The following WDR62 variants were observed in gnomAD, a reference collection of about 807,000 sequenced individuals.
WDR62 encodes WD repeat-containing protein 62.
WDR62 carries 112 observed loss-of-function variants against 160.6 expected under a neutral mutation model. That is an observed-to-expected ratio of 0.70 (90% confidence interval 0.60 to 0.82). The LOEUF (loss-of-function observed/expected upper bound fraction) is 0.82. WDR62 is among the 40% of genes least tolerant of loss of function. The pLI is 0.00. For missense variants in WDR62, 1,819 were observed against 1,983.8 expected (o/e 0.92, Z 1.58); for synonymous variants, 792 against 815.1 (o/e 0.97, Z 0.48).
At chr19:36,082,935 AT>A (rs1213668052) in intron 10 of WDR62, 127 bp from the exon 11 acceptor site, 1 of 780,870 alleles carries the variant, frequency 1.3e-6, no homozygotes, top group African/African-American at 1.7e-5. Flanking sequence ...AATTATTCTG[AT>A]TGGTGAAACT....
At chr19:36,110,613 T>C in the WDR62 span, among the ~76,000 whole-genome samples, 2 of 152,220 alleles carry the variant, frequency 1.3e-5, no homozygotes, top group African/African-American at 4.8e-5. Flanking sequence ...ACAGTGCTTC[T>C]GGCTGAATGT....
chr19:36,068,667 G>A (rs967298543), intron 7 of WDR62, among the ~76,000 whole-genome samples: 1 of 152,230 alleles, frequency 6.6e-6, no homozygotes, highest in African/African-American at 2.4e-5. Flanking sequence ...AGAGCACAGG[G>A]TTGGGGGTAA....
At chr19:36,102,205 A>G (rs1973402186) in intron 26 of WDR62, 54 bp downstream of exon 26, 1 of 1,613,074 alleles carries the variant, frequency 6.2e-7, no homozygotes, top group Admixed American at 1.7e-5. Context: ...GCCTGGGCAC[A>G]GCATTGGCGT....
rs374653471 is a variant in WDR62, at chr19:36,100,876, G to T, written c.2867+1G>T. 4 of 1,614,196 alleles carry T rather than the reference G, an allele frequency of 2.5e-6. No individual in the cohort carries two copies. The highest frequency in any genetic ancestry group is 3.4e-6 in the Non-Finnish European group (4 of 1,180,024). Reference sequence around the variant, plus strand: ...AAGTGACAGTCACAGGGACAGACAGGTGGGTGTCCTTTCCACCAAGGGAGC... The same window carrying T: ...AAGTGACAGTCACAGGGACAGACAGTTGGGTGTCCTTTCCACCAAGGGAGC... On this transcript the variant is annotated splice_donor_variant, in intron 23 of 31. Transcript: ENST00000401500. LOFTEE classifies it high-confidence loss of function.
intron 6 of WDR62, among the ~76,000 whole-genome samples, 180 bp from the exon 7 acceptor site, chr19:36,067,648 T>C (rs1479674780): frequency 6.6e-6 from 1 of 152,222 alleles, no homozygotes; most frequent in Non-Finnish European, 1.5e-5. Flanking sequence ...GGACCAGCTC[T>C]CATTCTTGGA....
intron 3 of WDR62, chr19:36,060,566 A>AG (rs1970595156): frequency 1.2e-5 from 2 of 169,804 alleles, no homozygotes; most frequent in African/African-American, 2.4e-5. Flanking sequence ...ACCAGGCAGA[A>AG]GCCACATCCC....
At chr19:36,078,152 GT>G (rs60096728) in intron 9 of WDR62, among the ~76,000 whole-genome samples, 64 of 138,152 alleles carry the variant, frequency 4.6e-4, no homozygotes, top group Admixed American at 5.1e-4. Context: ...AAGTTTTTTT[GT>G]TTTTTTTTTT....
At chr19:36,090,411 C>T in intron 15 of WDR62, 34 bp from the exon 16 acceptor site, 1 of 1,606,918 alleles carries the variant, frequency 6.2e-7, no homozygotes, top group South Asian at 1.1e-5. Flanking sequence ...GTAGGCGGGG[C>T]CCTGTTGGCC....
intron 16 of WDR62, among the ~76,000 whole-genome samples, 158 bp downstream of exon 16, chr19:36,090,678 G>C (rs546462754): frequency 6.6e-6 from 1 of 152,314 alleles, no homozygotes; most frequent in Non-Finnish European, 1.5e-5. Flanking sequence ...GAGAGGGTGG[G>C]GAGGGTGACC....
In WDR62 at chr19:36,082,331, C is replaced by T. The variant is rs377752274; in HGVS notation, c.1372-732C>T. On this transcript the variant is annotated intron_variant, in intron 10 of 31. Coordinates refer to ENST00000401500, the MANE Select transcript of WDR62 (RefSeq NM_001083961.2). ...ATCTGGGACATCCGGAGCAGCTTCC[C>T]GCGGAAGGGACAGCTAAGTTGAGAT... Among the ~76,000 whole-genome samples, 69 of 152,252 alleles carry T rather than the reference C, an allele frequency of 4.5e-4. No homozygotes were observed. In the South Asian group the frequency reaches 0.013, roughly 29 times the overall value.
chr19:36,083,966 A>T (rs1224084522), intron 11 of WDR62, among the ~76,000 whole-genome samples: 7 of 152,126 alleles, frequency 4.6e-5, no homozygotes, highest in Admixed American at 4.6e-4. Context: ...ACTGTATGAG[A>T]CCAGCTCAGT....
intron 1 of WDR62, among the ~76,000 whole-genome samples, chr19:36,057,026 G>T (rs1322687037): frequency 6.6e-6 from 1 of 152,058 alleles, no homozygotes; most frequent in Non-Finnish European, 1.5e-5. Context: ...TGTTGGCCAG[G>T]CTGGTCTTGA....
intron 20 of WDR62, 126 bp from the exon 21 acceptor site, chr19:36,096,901 C>T: frequency 1.2e-6 from 1 of 826,082 alleles, no homozygotes; most frequent in Non-Finnish European, 2.1e-6. Flanking sequence ...TTTCCCTAAC[C>T]CCCGGTGCTG....
intron 4 of WDR62, 31 bp from the exon 5 acceptor site, chr19:36,066,226 C>G (rs1568328741): frequency 1.2e-6 from 2 of 1,613,686 alleles, no homozygotes; most frequent in Non-Finnish European, 1.7e-6. Flanking sequence ...AGTACAGAGC[C>G]CAGCAGCAGT....
intron 13 of WDR62, 63 bp downstream of exon 13, chr19:36,086,875 CT>C: frequency 6.4e-7 from 1 of 1,570,030 alleles, no homozygotes; most frequent in Admixed American, 1.8e-5. Context: ...AGGATTCATT[CT>C]TTCAACTCTC....
chr19:36,099,929 C>A (rs1973225362), intron 22 of WDR62, among the ~76,000 whole-genome samples: 1 of 152,090 alleles, frequency 6.6e-6, no homozygotes, highest in Non-Finnish European at 1.5e-5. Context: ...AAGAGGCTTA[C>A]CTCTTTGGGC....
chr19:36,092,842 G>C (rs778002650), intron 19 of WDR62, 31 bp downstream of exon 19: 1 of 1,613,382 alleles, frequency 6.2e-7, no homozygotes, highest in Admixed American at 1.7e-5. Context: ...TCCACCAGAG[G>C]GATGAGTCCC....
chr19:36,093,163 C>G (rs1178473273), intron 19 of WDR62, among the ~76,000 whole-genome samples: 1 of 152,048 alleles, frequency 6.6e-6, no homozygotes, highest in Non-Finnish European at 1.5e-5. Context: ...AGTGGAAAAG[C>G]AAAGTGTTTG....
chr19:36,092,470 A>G (rs137886573), intron 18 of WDR62, among the ~76,000 whole-genome samples: 111 of 152,248 alleles, frequency 7.3e-4, no homozygotes, highest in African/African-American at 2.6e-3. Context: ...TGAGGCCTCC[A>G]GAACAGGCCC....
Sources: gnomAD v4.1 joint callset for allele counts (sites outside exome capture counted in the v4.1 genomes callset) on GRCh38, gnomAD v4.1.1 for gene constraint, MANE v1.5 for transcripts, NCBI Gene and HGNC (gene_info 2026-07-23, HGNC 2026-07-21) for gene names.